The following BCR variants were observed in gnomAD, a reference collection of about 807,000 sequenced individuals.
BCR encodes BCR activator of RhoGEF and GTPase.
Under a neutral mutation model 138.6 loss-of-function variants are expected in BCR, and 58 were observed. The observed-to-expected ratio is 0.42, with a 90% CI of 0.34 to 0.52. The LOEUF is 0.52. Ranked by LOEUF, BCR falls within the 20% of genes least tolerant of loss-of-function variation. The probability of loss-of-function intolerance (pLI) is 0.06; values close to 1 mark genes in which losing one functional copy is unlikely to be tolerated. For missense variants in BCR, 1,599 were observed against 1,727.2 expected, an observed-to-expected ratio of 0.93 and a Z score of 1.32; for synonymous variants, 786 against 730.1, an observed-to-expected ratio of 1.08 and a Z score of -1.23.
chr22:23,288,736 C>T (rs964139606), intron 12 of BCR, among the ~76,000 whole-genome samples: 2 of 152,248 alleles, frequency 1.3e-5, no homozygotes, highest in Admixed American at 6.5e-5. Flanking sequence ...AGCTCAGGGG[C>T]GCTCCCTCCT....
intron 22 of BCR, among the ~76,000 whole-genome samples, chr22:23,315,187 G>A (rs2074055430): frequency 6.6e-6 from 1 of 152,116 alleles, no homozygotes; most frequent in South Asian, 2.1e-4. Context: ...TGGAGCCACT[G>A]TACTCCAGCC....
At chr22:23,210,476 T>C (rs1362181733) in intron 1 of BCR, among the ~76,000 whole-genome samples, 1 of 151,712 alleles carries the variant, frequency 6.6e-6, no homozygotes. Flanking sequence ...CATTTGATGG[T>C]TGTATATGTG....
At chr22:23,287,945 C>T (rs990472720) in intron 11 of BCR, 152 bp from the exon 12 acceptor site, 13 of 709,000 alleles carry the variant, frequency 1.8e-5, no homozygotes, top group Admixed American at 6.4e-5. Flanking sequence ...TAGGGAGTGC[C>T]GGAAGCGACA....
intron 4 of BCR, chr22:23,263,833 T>C (rs2073402478): frequency 1.8e-6 from 2 of 1,113,094 alleles, no homozygotes; most frequent in Non-Finnish European, 2.8e-6. Context: ...GGGTAGTGTT[T>C]ATACACCATC....
At chr22:23,248,067 G>A (rs2146262061) in intron 1 of BCR, among the ~76,000 whole-genome samples, 1 of 152,312 alleles carries the variant, frequency 6.6e-6, no homozygotes, top group Admixed American at 6.5e-5. Context: ...TTAGAGGCTG[G>A]GCGCAGTGGC....
chr22:23,189,826 T>G (rs186212275), intron 1 of BCR, among the ~76,000 whole-genome samples: 70 of 152,202 alleles, frequency 4.6e-4, no homozygotes, highest in Middle Eastern at 3.4e-3. Context: ...AAGACTGAGT[T>G]AACTCCCAGC....
At position 23,273,061 on chromosome 22, in the gene BCR, C is replaced by T. The variant is rs2073527807; in HGVS notation, c.1922-20C>T. 2 of 1,610,970 alleles carry T rather than the reference C, an allele frequency of 1.2e-6. No homozygotes were observed. Among genetic ancestry groups the T allele is most frequent in the Non-Finnish European group, 8.5e-7 (1 of 1,177,966 alleles). On this transcript the variant is annotated intron_variant, in intron 6 of 22. Transcript: ENST00000305877. ...GCTTCTCCATGTGCAACCTCTCTCA[C>T]CTCCCCTCTCTCTCCACAGCTCTGC... is the stretch of plus-strand genomic sequence containing the variant.
At chr22:23,233,062 A>G (rs765161551) in intron 1 of BCR, among the ~76,000 whole-genome samples, 21 of 152,232 alleles carry the variant, frequency 1.4e-4, no homozygotes, top group Non-Finnish European at 2.1e-4. Flanking sequence ...TTTCCAGACA[A>G]TTGGGATCCT....
At chr22:23,286,662 G>A (rs1347435642) in intron 10 of BCR, among the ~76,000 whole-genome samples, 2 of 152,160 alleles carry the variant, frequency 1.3e-5, no homozygotes, top group Non-Finnish European at 2.9e-5. Flanking sequence ...GGCTTCTAGA[G>A]TGAAACCCAT....
At chr22:23,276,733 C>T (rs759219619) in intron 8 of BCR, among the ~76,000 whole-genome samples, 19 of 152,242 alleles carry the variant, frequency 1.2e-4, no homozygotes, top group Non-Finnish European at 2.1e-4. Context: ...GCACTCCAAG[C>T]CTGGACATCC....
At chr22:23,239,895 T>C (rs1298998692) in intron 1 of BCR, among the ~76,000 whole-genome samples, 1 of 151,494 alleles carries the variant, frequency 6.6e-6, no homozygotes, top group African/African-American at 2.4e-5. Flanking sequence ...CATAGCTCAC[T>C]GTAGCCTCAG....
chr22:23,290,754 T>G (rs1373303783), intron 14 of BCR: 5 of 325,816 alleles, frequency 1.5e-5, no homozygotes, highest in Admixed American at 1.2e-4. Flanking sequence ...CCAGGAGGGC[T>G]GTCAGCAGTG....
At position 23,317,426 on chromosome 22, in the gene BCR, C is replaced by G; in HGVS notation, c.*1904C>G. 6.2e-6 allele frequency: 1 copy of G among 160,262 alleles called. No homozygotes were observed. The highest frequency in any genetic ancestry group is 1.2e-5 in the Non-Finnish European group (1 of 86,004). The allele number at this position is 160,262 out of a possible 1,614,324, so 9.9% of individuals were successfully genotyped here. Reference sequence around the variant, plus strand: ...CTTGTCCTGGCTTCCATCTCTGTCTCAGCGACCATTCAGCCCTGCGCAGGA... The same window carrying G: ...CTTGTCCTGGCTTCCATCTCTGTCTGAGCGACCATTCAGCCCTGCGCAGGA... On this transcript the variant is annotated 3_prime_UTR_variant, in exon 23 of 23. Coordinates refer to ENST00000305877, the MANE Select transcript of BCR (RefSeq NM_004327.4).
chr22:23,202,965 C>G (rs1179522919), intron 1 of BCR, among the ~76,000 whole-genome samples: 1 of 152,094 alleles, frequency 6.6e-6, no homozygotes, highest in Non-Finnish European at 1.5e-5. Context: ...TCCTGTGATC[C>G]TCCCACCTCA....
intron 4 of BCR, among the ~76,000 whole-genome samples, chr22:23,265,657 A>G (rs1602082136): frequency 6.6e-6 from 1 of 152,246 alleles, no homozygotes; most frequent in African/African-American, 2.4e-5. Context: ...TCAAACTTAC[A>G]GGAGAACTGT....
intron 1 of BCR, among the ~76,000 whole-genome samples, chr22:23,189,444 C>A (rs893313391): frequency 6.6e-6 from 1 of 152,170 alleles, no homozygotes; most frequent in African/African-American, 2.4e-5. Flanking sequence ...GCTGATTTCA[C>A]TCAAGCAGGG....
rs879007265 is a variant in BCR, at chr22:23,290,164, C to T, written c.2708-175C>T. On this transcript the variant is annotated intron_variant, in intron 13 of 22. Transcript: ENST00000305877. ...GAAACCAGCTGGATCCTGAGATCCC[C>T]AAGACAGAAATCATGATGAGTATGT... is the stretch of plus-strand genomic sequence containing the variant. 12 of 695,614 alleles carry T rather than the reference C, an allele frequency of 1.7e-5. No individual in the cohort carries two copies. In the South Asian group the frequency reaches 1.9e-4, roughly 11 times the overall value. The allele number at this position is 695,614 out of a possible 1,614,324, so 43.1% of individuals were successfully genotyped here.
intron 8 of BCR, among the ~76,000 whole-genome samples, chr22:23,281,840 G>C (rs969948687): frequency 6.6e-6 from 1 of 152,240 alleles, no homozygotes; most frequent in Non-Finnish European, 1.5e-5. Flanking sequence ...CGGCATGTGG[G>C]TGCTACAGGT....
At chr22:23,209,885 C>T (rs1216057289) in intron 1 of BCR, among the ~76,000 whole-genome samples, 1 of 152,170 alleles carries the variant, frequency 6.6e-6, no homozygotes, top group Non-Finnish European at 1.5e-5. Context: ...CTGCCTTAGC[C>T]CCCTGAGTAA....
Sources: gnomAD v4.1 joint callset for allele counts (sites outside exome capture counted in the v4.1 genomes callset) on GRCh38, gnomAD v4.1.1 for gene constraint, MANE v1.5 for transcripts, NCBI Gene and HGNC (gene_info 2026-07-23, HGNC 2026-07-21) for gene names.